The following STARD9 variants were observed in gnomAD, a reference collection of about 807,000 sequenced individuals.
The protein encoded by STARD9 is StAR related lipid transfer domain containing 9.
A neutral mutation model predicts 399.8 loss-of-function variants in STARD9; 346 were observed. That is an observed-to-expected ratio of 0.87 (90% CI 0.79 to 0.95). The LOEUF (loss-of-function observed/expected upper bound fraction) is 0.95. STARD9 is among the 40% of genes least tolerant of loss of function. The pLI, the probability that STARD9 is intolerant of heterozygous loss-of-function variation, is 0.00. For synonymous variants in STARD9, 2,203 were observed against 2,143.5 expected, an observed-to-expected ratio of 1.03 and a Z score of -0.77; for missense variants, 5,832 against 5,667.5, an observed-to-expected ratio of 1.03 and a Z score of -0.93.
intron 9 of STARD9, among the ~76,000 whole-genome samples, chr15:42,654,917 A>G (rs533481642): frequency 6.6e-6 from 1 of 152,324 alleles, no homozygotes; most frequent in Non-Finnish European, 1.5e-5. Flanking sequence ...TCACAGAACT[A>G]GAAAAGACAG....
chr15:42,674,977 G>A lies in STARD9; in HGVS notation c.1687+13G>A. On this transcript the variant is annotated intron_variant, in intron 18 of 32. Transcript: ENST00000290607. ...CGTCTGACTCAAGGTAGGACTGTCTGTAGCCCTGTTTATCCCAAGATGAGT... is the reference window on the plus strand; with the variant it reads ...CGTCTGACTCAAGGTAGGACTGTCTATAGCCCTGTTTATCCCAAGATGAGT... 6.6e-7 allele frequency: 1 copy of A among 1,516,650 alleles called. No individual in the cohort carries two copies. Among genetic ancestry groups the A allele is most frequent in the South Asian group, 1.2e-5 (1 of 80,062 alleles). 93.9% of individuals were successfully genotyped at this position (1,516,650 alleles called of 1,614,324 possible).
intron 3 of STARD9, among the ~76,000 whole-genome samples, chr15:42,589,952 CTTTTTTT>C (rs961377203): frequency 1.1e-3 from 97 of 91,970 alleles, no homozygotes; most frequent in African/African-American, 3.3e-3. Flanking sequence ...AACCTTGATT[CTTTTTTT>C]TTTTTTTTTT....
In STARD9 at chr15:42,689,919, C is replaced by G. The variant is rs1167154412; in HGVS notation, c.8341C>G (p.Pro2781Ala). 6 of 1,537,518 alleles carry G rather than the reference C, an allele frequency of 3.9e-6. No individual in the cohort carries two copies. Among genetic ancestry groups the G allele is most frequent in the African/African-American group, 1.4e-5 (1 of 73,012 alleles). The change falls in exon 23 of 33, where the codon CCA (proline) becomes GCA (alanine). Residue 2781 changes from proline (P) to alanine (A), a missense_variant. Coordinates refer to ENST00000290607, the MANE Select transcript of STARD9 (RefSeq NM_020759.3). The part of the protein sequence containing the change: ...GIPPGSQDSS[P>A]EHQEPRTLDT... ...ACCCCCTGGCAGTCAGGACAGCAGC[C>G]CAGAGCATCAGGAACCCAGAACTCT...
chr15:42,673,732 T>C (rs1210909355), intron 16 of STARD9, among the ~76,000 whole-genome samples: 1 of 152,240 alleles, frequency 6.6e-6, no homozygotes, highest in Non-Finnish European at 1.5e-5. Flanking sequence ...GCCATGTTGC[T>C]GCCTTTTCCT....
chr15:42,601,529 G>A (rs1442049621), intron 3 of STARD9, among the ~76,000 whole-genome samples: 1 of 147,410 alleles, frequency 6.8e-6, no homozygotes, highest in Non-Finnish European at 1.5e-5. Flanking sequence ...CTGGCCGGGC[G>A]GGGGCTGCCC....
At chr15:42,664,195 G>T (rs763058557) in intron 13 of STARD9, among the ~76,000 whole-genome samples, 1 of 152,010 alleles carries the variant, frequency 6.6e-6, no homozygotes, top group Admixed American at 6.6e-5. Context: ...TCTAAGAAAG[G>T]TCATTTATTT....
At chr15:42,657,970 A>G (rs544579817) in intron 9 of STARD9, among the ~76,000 whole-genome samples, 1 of 152,378 alleles carries the variant, frequency 6.6e-6, no homozygotes, top group East Asian at 1.9e-4. Context: ...AAGTTAACTC[A>G]TATTGAATCA....
At chr15:42,590,086 G>A (rs2058365028) in intron 3 of STARD9, among the ~76,000 whole-genome samples, 1 of 150,022 alleles carries the variant, frequency 6.7e-6, no homozygotes, top group Admixed American at 6.7e-5. Context: ...TCAGCCTCCT[G>A]AGTAGCTGGG....
intron 26 of STARD9, among the ~76,000 whole-genome samples, chr15:42,709,609 C>T (rs572212341): frequency 6.6e-6 from 1 of 152,244 alleles, no homozygotes; most frequent in South Asian, 2.1e-4. Context: ...AGTTTGAACC[C>T]GGGAGGCGGG....
chr15:42,674,414 T>G, intron 16 of STARD9, 26 bp from the exon 17 acceptor site: 1 of 1,531,394 alleles, frequency 6.5e-7, no homozygotes, highest in Non-Finnish European at 8.8e-7. Context: ...TTAATTCTCA[T>G]TAAAATGGCT....
At chr15:42,662,565 A>T (rs1356192398) in intron 10 of STARD9, among the ~76,000 whole-genome samples, 1 of 152,252 alleles carries the variant, frequency 6.6e-6, no homozygotes, top group Non-Finnish European at 1.5e-5. Flanking sequence ...CAGTCAAAAT[A>T]AAAACAGAAA....
At chr15:42,595,536 G>A (rs2058485187) in intron 3 of STARD9, among the ~76,000 whole-genome samples, 1 of 152,172 alleles carries the variant, frequency 6.6e-6, no homozygotes, top group South Asian at 2.1e-4. Context: ...GAATTTTGCT[G>A]CCTGTTTTGG....
chr15:42,695,302 G>C lies in STARD9; in HGVS notation c.13125G>C (p.Lys4375Asn). 6.5e-7 allele frequency: 1 copy of C among 1,535,542 alleles called. No homozygotes were observed. The highest frequency in any genetic ancestry group is 8.7e-7 in the Non-Finnish European group (1 of 1,145,770). The change falls in exon 25 of 33, where the codon AAG becomes AAC. Residue 4375 changes from lysine (K) to asparagine (N), a missense_variant. This residue lies in a region of STARD9 where 5,828 missense variants were observed against 5,651.1 expected (regional missense o/e 1.03). Coordinates refer to ENST00000290607, the MANE Select transcript of STARD9 (RefSeq NM_020759.3). ...TEQEKLRIHQ[K>N]IISQLLKEED... is the part of the protein sequence containing the mutation. ...AAGAGAAGCTGAGAATCCACCAGAA[G>C]ATCATTTCCCAGCTATTGAAGGTGT...
rs1299746575 is a variant in STARD9 at position 42,610,999 on chromosome 15, A to C, written c.235-23857A>C. On this transcript the variant is annotated intron_variant, in intron 3 of 32. Coordinates refer to ENST00000290607, the MANE Select transcript of STARD9 (RefSeq NM_020759.3). ...TTTTCAATGATAAATTATTTTAATG[A>C]ATTTCCAAGGATTGAAAGTACCCAG... Among the ~76,000 whole-genome samples the C allele has an allele frequency of 2.6e-5, 4 of 152,178 alleles. No homozygotes were observed. In the East Asian group the frequency reaches 7.7e-4, roughly 29 times the overall value.
chr15:42,597,798 A>G (rs922638608), intron 3 of STARD9, among the ~76,000 whole-genome samples: 1 of 151,866 alleles, frequency 6.6e-6, no homozygotes, highest in Non-Finnish European at 1.5e-5. Flanking sequence ...TAGCCTCCCA[A>G]AATGCTGGGA....
intron 7 of STARD9, among the ~76,000 whole-genome samples, chr15:42,639,139 A>G (rs1595687225): frequency 6.6e-6 from 1 of 152,220 alleles, no homozygotes; most frequent in Admixed American, 6.5e-5. Flanking sequence ...TGAGGAGGAA[A>G]CGTTTAAGCT....
intron 3 of STARD9, among the ~76,000 whole-genome samples, chr15:42,599,853 A>G (rs2058587389): frequency 6.6e-6 from 1 of 152,236 alleles, no homozygotes; most frequent in Admixed American, 6.5e-5. Flanking sequence ...TGGGATTACC[A>G]GGCTTTAGGT....
Position 42,685,047 on chromosome 15 carries a change from C to T in STARD9, c.3469C>T (p.Gln1157Ter), listed in dbSNP as rs756003148. 6.5e-7 allele frequency: 1 copy of T among 1,537,214 alleles called. No individual in the cohort carries two copies. The highest frequency in any genetic ancestry group is 8.7e-7 in the Non-Finnish European group (1 of 1,146,934). ...SEDSLAEKRYQSPKNRLGGNR... is the reference protein window; with the variant it reads ...SEDSLAEKRY Reference sequence around the variant, plus strand: ...GGACTCACTGGCTGAGAAGAGGTACCAAAGCCCCAAAAACAGGCTAGGGGG... The same window carrying T: ...GGACTCACTGGCTGAGAAGAGGTACTAAAGCCCCAAAAACAGGCTAGGGGG... Residue 1157 changes from glutamine (Q) to a stop codon, truncating the protein, a stop_gained, in exon 23 of 33, where the codon CAA becomes TAA. Coordinates refer to ENST00000290607, the MANE Select transcript of STARD9 (RefSeq NM_020759.3). LOFTEE classifies it high-confidence loss of function.
In STARD9 at chr15:42,710,342, G is replaced by A. The variant is rs898428728; in HGVS notation, c.13285-6335G>A. On this transcript the variant is annotated intron_variant, in intron 26 of 32. Coordinates refer to ENST00000290607, the MANE Select transcript of STARD9 (RefSeq NM_020759.3). ...CCTCCCAAAGTGTTGGAATACGGAC[G>A]TGAGCCACCGTGCCTGGCCCTTGAG... 2.0e-5 allele frequency among the ~76,000 whole-genome samples: 3 copies of A among 151,550 alleles called. No individual in the cohort carries two copies. In the South Asian group the frequency reaches 6.2e-4, roughly 31 times the overall value.
Sources: gnomAD v4.1 joint callset for allele counts (sites outside exome capture counted in the v4.1 genomes callset) on GRCh38, gnomAD v4.1.1 for gene constraint, gnomAD v4.1.1 regional missense constraint, MANE v1.5 for transcripts, NCBI Gene and HGNC (gene_info 2026-07-23, HGNC 2026-07-21) for gene names.